The following MED4 variants were observed in gnomAD, a reference collection of about 807,000 sequenced individuals.
The protein encoded by MED4 is mediator complex subunit 4, also known as mediator of RNA polymerase II transcription subunit 4.
A neutral mutation model predicts 35.0 loss-of-function variants in MED4; 21 were observed. The ratio of observed to expected loss-of-function variants is 0.60; its 90% CI spans 0.43 to 0.86. The LOEUF is 0.86. MED4 is among the 40% of genes least tolerant of loss of function. The probability of loss-of-function intolerance (pLI) is 0.00; values close to 1 mark genes in which losing one functional copy is unlikely to be tolerated. For missense variants in MED4, 300 were observed against 319.4 expected (o/e 0.94, Z 0.46); for synonymous variants, 138 against 114.0 (o/e 1.21, Z -1.34).
At chr13:48,089,686 G>A (rs906574856) in intron 2 of MED4, among the ~76,000 whole-genome samples, 5 of 152,128 alleles carry the variant, frequency 3.3e-5, no homozygotes, top group African/African-American at 1.2e-4. Context: ...GCAGGTTGAG[G>A]CTGCAGTGAG....
chr13:48,083,854 A>T (rs566931469), intron 3 of MED4, among the ~76,000 whole-genome samples: 98 of 152,304 alleles, frequency 6.4e-4, no homozygotes, highest in African/African-American at 2.3e-3. Flanking sequence ...TATCAGCTCA[A>T]TGTTTAATGA....
intron 1 of MED4, among the ~76,000 whole-genome samples, chr13:48,092,924 C>T (rs1950900404): frequency 6.6e-6 from 1 of 151,974 alleles, no homozygotes; most frequent in South Asian, 2.1e-4. Flanking sequence ...CCTTAGGCGC[C>T]GGAGTAGAGG....
At chr13:48,087,238 G>A (rs1317508371) in intron 2 of MED4, among the ~76,000 whole-genome samples, 5 of 151,924 alleles carry the variant, frequency 3.3e-5, no homozygotes, top group Non-Finnish European at 7.4e-5. Flanking sequence ...GGTGGTGCAT[G>A]CCTATAATCC....
At chr13:48,078,202 G>A (rs1376759060) in intron 6 of MED4, among the ~76,000 whole-genome samples, 1 of 152,144 alleles carries the variant, frequency 6.6e-6, no homozygotes, top group Non-Finnish European at 1.5e-5. Context: ...ATTTTTAAAG[G>A]GTCAAAAGAA....
chr13:48,080,396 CA>C (rs57198503), intron 5 of MED4, among the ~76,000 whole-genome samples: 179 of 68,818 alleles, frequency 2.6e-3, no homozygotes, highest in Middle Eastern at 0.011. Context: ...GACCCTGTCT[CA>C]AAAAAAAAAA....
At chr13:48,079,663 C>T (rs980430998) in intron 6 of MED4, 181 bp downstream of exon 6, 11 of 579,598 alleles carry the variant, frequency 1.9e-5, no homozygotes, top group African/African-American at 1.7e-4. Flanking sequence ...TCACTTGAAC[C>T]TGGGAGCCAA....
chr13:48,090,365 C>A lies in MED4; in HGVS notation c.179G>T (p.Gly60Val). 1 of 1,593,274 alleles carries A rather than the reference C, an allele frequency of 6.3e-7. No individual in the cohort carries two copies. The highest frequency in any genetic ancestry group is 8.5e-7 in the Non-Finnish European group (1 of 1,173,096). ...GAAGCCACTTACCTGGTTTTCCTCTCCAGCCTGTAACAACTTTTGGTTTCT... is the reference window on the plus strand; with the variant it reads ...GAAGCCACTTACCTGGTTTTCCTCTACAGCCTGTAACAACTTTTGGTTTCT... ...ISRNQKLLQA[G>V]EENQVLELLI... Residue 60 changes from glycine to valine, a missense_variant, in exon 2 of 7, where the codon GGA becomes GTA. Coordinates refer to ENST00000258648, the MANE Select transcript of MED4 (RefSeq NM_014166.4).
In MED4 at chr13:48,095,097, A is replaced by T; in HGVS notation, c.-19T>A. The T allele has an allele frequency of 6.2e-7, 1 of 1,600,788 alleles. No individual in the cohort carries two copies. Among genetic ancestry groups the T allele is most frequent in the Non-Finnish European group, 8.5e-7 (1 of 1,179,552 alleles). ...CAGCCATTTTCCCCAGAGTCCCGCC[A>T]CCGGCGCACGCGCAGAGCGAGCTGA... On this transcript the variant is annotated 5_prime_UTR_variant, in exon 1 of 7. Transcript: ENST00000258648.
chr13:48,077,385 C>T (rs1950769061), intron 6 of MED4, 74 bp from the exon 7 acceptor site: 2 of 1,205,410 alleles, frequency 1.7e-6, no homozygotes, highest in Admixed American at 3.1e-5. Context: ...TCCCTTTATG[C>T]AACAATTTGA....
Position 48,094,947 on chromosome 13 carries a change from G to T in MED4, c.125+7C>A. ...CTCCAGCCCGGCTCTCAGGCTCGCC[G>T]CATTACCTAGACAGGACCTCCAAGT... On this transcript the variant is annotated splice_region_variant and intron_variant, in intron 1 of 6. Coordinates refer to ENST00000258648, the MANE Select transcript of MED4 (RefSeq NM_014166.4). The T allele has an allele frequency of 6.2e-7, 1 of 1,601,512 alleles. No homozygotes were observed.
At chr13:48,090,761 AGAGGAT>A (rs1337136491) in intron 1 of MED4, among the ~76,000 whole-genome samples, 1 of 152,256 alleles carries the variant, frequency 6.6e-6, no homozygotes, top group Non-Finnish European at 1.5e-5. Context: ...CTGCTTGATA[AGAGGAT>A]AAGTTCTCAT....
At chr13:48,084,106 C>A (rs544260912) in intron 3 of MED4, among the ~76,000 whole-genome samples, 1 of 151,904 alleles carries the variant, frequency 6.6e-6, no homozygotes, top group Non-Finnish European at 1.5e-5. Flanking sequence ...ACTAAAAATA[C>A]AAAAAATTTA....
intron 1 of MED4, among the ~76,000 whole-genome samples, chr13:48,091,522 A>T (rs774638735): frequency 6.6e-6 from 1 of 152,200 alleles, no homozygotes; most frequent in Non-Finnish European, 1.5e-5. Flanking sequence ...TTTCTGGATC[A>T]TGTCAATTAG....
intron 4 of MED4, among the ~76,000 whole-genome samples, chr13:48,083,050 T>C (rs921525277): frequency 1.3e-5 from 2 of 152,208 alleles, no homozygotes; most frequent in African/African-American, 4.8e-5. Flanking sequence ...CCTTCAAGAT[T>C]TGGTACAAAT....
chr13:48,094,647 T>C (rs943202997), intron 1 of MED4, among the ~76,000 whole-genome samples: 3 of 152,064 alleles, frequency 2.0e-5, no homozygotes, highest in African/African-American at 4.8e-5. Context: ...CAGTCTACCC[T>C]TCACTACCGT....
At chr13:48,079,110 C>G (rs1467058530) in intron 6 of MED4, among the ~76,000 whole-genome samples, 1 of 151,912 alleles carries the variant, frequency 6.6e-6, no homozygotes, top group Non-Finnish European at 1.5e-5. Flanking sequence ...TTGAGGAAAA[C>G]TGAAGCTCAG....
intron 3 of MED4, 57 bp from the exon 4 acceptor site, chr13:48,083,485 T>C: frequency 6.8e-7 from 1 of 1,463,204 alleles, no homozygotes; most frequent in Non-Finnish European, 9.5e-7. Context: ...TCAAACTTAG[T>C]TTTTGGCTTA....
Position 48,077,162 on chromosome 13 carries a change from T to C in MED4, c.790A>G (p.Ser264Gly). The stretch of plus-strand genomic sequence containing the variant: ...TTTCAATCAGACTCACTACTACTGC[T>C]TGAGGAGTCCGTTGACATAATCTCT... ...DVEIMSTDSS[S>G]SSSESD Residue 264 changes from serine to glycine, a missense_variant, in exon 7 of 7, where the codon AGC (serine) becomes GGC (glycine). Transcript: ENST00000258648. The C allele has an allele frequency of 1.2e-6, 2 of 1,610,140 alleles. No homozygotes were observed. The highest frequency in any genetic ancestry group is 1.7e-6 in the Non-Finnish European group (2 of 1,178,648).
Position 48,075,835 on chromosome 13 carries a change from T to C in MED4, c.*1304A>G, listed in dbSNP as rs1279612915. 1 of 152,152 alleles carries C rather than the reference T, an allele frequency of 6.6e-6. No individual in the cohort carries two copies. Among genetic ancestry groups the C allele is most frequent in the Non-Finnish European group, 1.5e-5 (1 of 68,004 alleles). The allele number at this position is 152,152 out of a possible 1,614,324, so 9.4% of individuals were successfully genotyped here. A position where few individuals can be genotyped will look rare whatever the true frequency, so the allele number is the denominator to read the frequency against. On this transcript the variant is annotated 3_prime_UTR_variant, in exon 7 of 7. Transcript: ENST00000258648. ...TATTGTGTTAGTCCATTCCTAAAAA[T>C]AACCCTGGAGGGAAAGACATTCAAA...
Sources: allele counts gnomAD v4.1 joint callset (sites outside exome capture counted in the v4.1 genomes callset), GRCh38; gene constraint gnomAD v4.1.1; transcripts MANE v1.5; gene names NCBI Gene and HGNC (gene_info 2026-07-23, HGNC 2026-07-21).